LARGE1: variants seen among roughly 807,000 people sequenced by gnomAD.
LARGE1 encodes xylosyl- and glucuronyltransferase LARGE1.
Under a neutral mutation model 87.6 loss-of-function variants are expected in LARGE1, and 43 were observed. That is an observed-to-expected ratio of 0.49 (90% CI 0.38 to 0.63). LARGE1 has a LOEUF of 0.63. LARGE1 is among the 30% of genes least tolerant of loss of function. LARGE1 has a pLI of 0.00. For synonymous variants in LARGE1, 434 were observed against 394.6 expected, an observed-to-expected ratio of 1.10 and a Z score of -1.18; for missense variants, 802 against 1,000.2, an observed-to-expected ratio of 0.80 and a Z score of 2.67.
intron 11 of LARGE1, among the ~76,000 whole-genome samples, chr22:33,186,004 T>C (rs750608238): frequency 4.6e-5 from 7 of 152,158 alleles, no homozygotes; most frequent in Non-Finnish European, 1.0e-4. Context: ...TGAATTACTC[T>C]GTAGCTATTC....
chr22:33,892,735 G>A (rs988523877), intron 1 of LARGE1, among the ~76,000 whole-genome samples: 2 of 151,424 alleles, frequency 1.3e-5, no homozygotes, highest in Non-Finnish European at 2.9e-5. Context: ...TGGCACCCTC[G>A]TTAAATATTA....
intron 11 of LARGE1, among the ~76,000 whole-genome samples, chr22:33,202,850 T>C (rs1314840521): frequency 1.3e-5 from 2 of 152,012 alleles, no homozygotes; most frequent in Non-Finnish European, 2.9e-5. Context: ...AAGGACACAG[T>C]GGAAAAGACA....
chr22:33,467,218 T>C (rs2068654766), intron 6 of LARGE1, among the ~76,000 whole-genome samples: 2 of 152,222 alleles, frequency 1.3e-5, no homozygotes, highest in Non-Finnish European at 2.9e-5. Flanking sequence ...TGTATCTGAA[T>C]TTGTACAAAT....
intron 9 of LARGE1, among the ~76,000 whole-genome samples, chr22:33,343,734 A>G (rs1186571280): frequency 6.6e-6 from 1 of 152,192 alleles, no homozygotes; most frequent in Non-Finnish European, 1.5e-5. Flanking sequence ...GATGAGTCTG[A>G]GCCTCAGACT....
At chr22:33,240,521 T>A (rs1926461795) in intron 11 of LARGE1, among the ~76,000 whole-genome samples, 1 of 152,198 alleles carries the variant, frequency 6.6e-6, no homozygotes, top group Admixed American at 6.5e-5. Flanking sequence ...GACTACCACA[T>A]TCCGTTTATC....
chr22:33,592,349 T>A (rs1249285143), intron 5 of LARGE1, among the ~76,000 whole-genome samples: 1 of 152,158 alleles, frequency 6.6e-6, no homozygotes, highest in Non-Finnish European at 1.5e-5. Flanking sequence ...CTTTGCTTCT[T>A]ACTTAGGCTT....
chr22:33,326,188 G>C (rs1937227490), intron 10 of LARGE1, among the ~76,000 whole-genome samples: 1 of 152,218 alleles, frequency 6.6e-6, no homozygotes, highest in Non-Finnish European at 1.5e-5. Flanking sequence ...TGAAGGTTCA[G>C]AGAGGGTCTG....
intron 1 of LARGE1, among the ~76,000 whole-genome samples, chr22:33,850,353 T>TA (rs2063552023): frequency 6.6e-6 from 1 of 152,186 alleles, no homozygotes; most frequent in African/African-American, 2.4e-5. Context: ...AGCAGAGTCT[T>TA]AAGTCTTCCG....
the LARGE1 span, among the ~76,000 whole-genome samples, chr22:33,130,278 C>A: frequency 1.4e-5 from 2 of 138,924 alleles, no homozygotes; most frequent in African/African-American, 5.6e-5. Flanking sequence ...AGCGCCACTG[C>A]ACTCCAGCCT....
chr22:33,254,298 C>T (rs556504936), intron 11 of LARGE1, among the ~76,000 whole-genome samples: 2 of 152,106 alleles, frequency 1.3e-5, no homozygotes, highest in Non-Finnish European at 2.9e-5. Context: ...GGATTTCCCT[C>T]GTTGGGCCTG....
At chr22:33,517,408 C>CT (rs541496142) in intron 6 of LARGE1, among the ~76,000 whole-genome samples, 52 of 152,142 alleles carry the variant, frequency 3.4e-4, no homozygotes, top group South Asian at 6.2e-4. Flanking sequence ...ACAAAGAATT[C>CT]TTTTTTTGAG....
At chr22:33,404,091 T>C (rs190706303) in intron 7 of LARGE1, among the ~76,000 whole-genome samples, 27 of 152,294 alleles carry the variant, frequency 1.8e-4, no homozygotes, top group Admixed American at 1.0e-3. Context: ...GTTAAACATA[T>C]AGTCTATTGT....
intron 3 of LARGE1, among the ~76,000 whole-genome samples, chr22:33,648,269 G>C (rs924604508): frequency 5.9e-5 from 9 of 152,168 alleles, no homozygotes; most frequent in African/African-American, 2.2e-4. Context: ...ACTGAGCAGG[G>C]GAGTGAAACT....
chr22:33,420,766 A>G (rs143058718), intron 7 of LARGE1, among the ~76,000 whole-genome samples: 2 of 152,336 alleles, frequency 1.3e-5, no homozygotes, highest in African/African-American at 2.4e-5. Context: ...CAACAAATGA[A>G]TGAACACGTG....
chr22:33,250,026 G>A (rs981203057), intron 11 of LARGE1, among the ~76,000 whole-genome samples: 9 of 152,002 alleles, frequency 5.9e-5, no homozygotes, highest in African/African-American at 2.2e-4. Flanking sequence ...TGAGTCTTTT[G>A]CTCCACATAT....
At chr22:33,370,219 C>T (rs1380463262) in intron 9 of LARGE1, among the ~76,000 whole-genome samples, 1 of 152,010 alleles carries the variant, frequency 6.6e-6, no homozygotes, top group Non-Finnish European at 1.5e-5. Flanking sequence ...GTGTCTGCCA[C>T]ACAGGGGCCG....
At chr22:33,746,920 G>A (rs1188693077) in intron 2 of LARGE1, among the ~76,000 whole-genome samples, 2 of 152,172 alleles carry the variant, frequency 1.3e-5, no homozygotes, top group Non-Finnish European at 2.9e-5. Flanking sequence ...TGGGCCAGAA[G>A]AGAGGCACTT....
chr22:33,103,725 C>G, the LARGE1 span, among the ~76,000 whole-genome samples: 2 of 152,286 alleles, frequency 1.3e-5, no homozygotes, highest in African/African-American at 4.8e-5. Flanking sequence ...ACTTTAATGA[C>G]TTTGGAAGTT....
chr22:33,183,605 C>CAT (rs1193206029), intron 11 of LARGE1, among the ~76,000 whole-genome samples: 1 of 87,192 alleles, frequency 1.1e-5, no homozygotes, highest in African/African-American at 4.1e-5. Context: ...GGATAAAACA[C>CAT]ACACACACAC....
Sources: allele counts gnomAD v4.1 joint callset (sites outside exome capture counted in the v4.1 genomes callset), GRCh38; gene constraint gnomAD v4.1.1; transcripts MANE v1.5; gene names NCBI Gene and HGNC (gene_info 2026-07-23, HGNC 2026-07-21).